The following ETV1 variants were observed in gnomAD, a reference collection of about 807,000 sequenced individuals.
ETV1 encodes the protein ETS translocation variant 1.
In ETV1, 27 loss-of-function variants were observed where a neutral mutation model predicts 62.3. The ratio of observed to expected loss-of-function variants is 0.43; its 90% CI spans 0.32 to 0.60. ETV1 has a LOEUF of 0.60. Ranked by LOEUF, ETV1 falls within the 20% of genes least tolerant of loss-of-function variation. The pLI is 0.06. For synonymous variants in ETV1, 222 were observed against 199.6 expected (o/e 1.11, Z -0.94); for missense variants, 605 against 605.8 (o/e 1.00, Z 0.01).
In ETV1 at chr7:13,900,779, G is replaced by A; in HGVS notation, c.1171C>T (p.Arg391Cys). 2 of 1,611,670 alleles carry A rather than the reference G, an allele frequency of 1.2e-6. No individual in the cohort carries two copies. The highest frequency in any genetic ancestry group is 1.7e-6 in the Non-Finnish European group (2 of 1,178,916). The change falls in exon 13 of 14, where the codon CGT becomes TGT. Residue 391 changes from arginine (R) to cysteine (C), a missense_variant. Transcript: ENST00000430479. ...TTCTCATAGTAATAGCGGAGTGAACGGCTAAGTTTATCATAGTTCATAGCT... is the reference window on the plus strand; with the variant it reads ...TTCTCATAGTAATAGCGGAGTGAACAGCTAAGTTTATCATAGTTCATAGCT... ...RPAMNYDKLS[R>C]SLRYYYEKGI... is the part of the protein sequence containing the mutation.
chr7:13,986,111 C>A, intron 5 of ETV1: 1 of 1,574,656 alleles, frequency 6.4e-7, no homozygotes, highest in African/African-American at 1.4e-5. Flanking sequence ...GCATTAGATA[C>A]ACACCTAACG....
chr7:13,970,616 G>C (rs1263397975), intron 6 of ETV1, among the ~76,000 whole-genome samples: 1 of 152,066 alleles, frequency 6.6e-6, no homozygotes, highest in Admixed American at 6.6e-5. Context: ...AAAAACGAAA[G>C]AAGATGAAGT....
chr7:13,971,551 G>C (rs1050317102), intron 6 of ETV1, among the ~76,000 whole-genome samples: 1 of 152,142 alleles, frequency 6.6e-6, no homozygotes, highest in African/African-American at 2.4e-5. Context: ...TTGCATTCCA[G>C]TGTGTTTTAC....
At chr7:13,951,888 GTAT>G (rs1788855157) in intron 6 of ETV1, among the ~76,000 whole-genome samples, 1 of 152,056 alleles carries the variant, frequency 6.6e-6, no homozygotes, top group Non-Finnish European at 1.5e-5. Context: ...GTTACTACTA[GTAT>G]TAGTCCAACC....
At position 13,988,073 on chromosome 7, in the gene ETV1, A is replaced by C. The variant is rs762739704; in HGVS notation, c.133+13T>G. 1 of 1,576,190 alleles carries C rather than the reference A, an allele frequency of 6.3e-7. No homozygotes were observed. On this transcript the variant is annotated intron_variant, in intron 4 of 13. Transcript: ENST00000430479. ...GTAAAAAAATGGGGATTCAGCCCAAAATCAAACCTCACCTTCTGAATCATG... is the reference window on the plus strand; with the variant it reads ...GTAAAAAAATGGGGATTCAGCCCAACATCAAACCTCACCTTCTGAATCATG...
At chr7:13,916,686 TG>T (rs1784213124) in intron 9 of ETV1, among the ~76,000 whole-genome samples, 1 of 152,108 alleles carries the variant, frequency 6.6e-6, no homozygotes, top group African/African-American at 2.4e-5. Flanking sequence ...CTTGGCACTT[TG>T]GGAGGCCGAG....
intron 6 of ETV1, among the ~76,000 whole-genome samples, chr7:13,973,197 A>G: frequency 6.6e-6 from 1 of 152,126 alleles, no homozygotes; most frequent in East Asian, 1.9e-4. Context: ...TTTGCTCTTC[A>G]CTCTCTTAAC....
At chr7:13,991,400 C>A (rs556313149), upstream of ETV1, 2 of 152,240 alleles carry the variant, frequency 1.3e-5, no homozygotes, top group South Asian at 2.1e-4. Context: ...TAGGTCCCGG[C>A]GAGGTTCTTC....
intron 6 of ETV1, among the ~76,000 whole-genome samples, chr7:13,970,283 C>A (rs1305999592): frequency 1.8e-3 from 54 of 29,584 alleles, no homozygotes; most frequent in African/African-American, 4.4e-3. Flanking sequence ...CACACACACA[C>A]ACACACACAC....
Position 13,895,496 on chromosome 7 carries a change from C to A in ETV1, c.*370G>T, listed in dbSNP as rs1041710714. ...CGTGAAATTAACTGTACCATAGATA[C>A]CCCGATAAAATAAACATTATCTTAT... On this transcript the variant is annotated 3_prime_UTR_variant, in exon 14 of 14. Transcript: ENST00000430479. The A allele has an allele frequency of 3.8e-5, 10 of 265,660 alleles. No homozygotes were observed. The highest frequency in any genetic ancestry group is 6.6e-5 in the Non-Finnish European group (9 of 136,858). The allele number at this position is 265,660 out of a possible 1,614,324, so 16.5% of individuals were successfully genotyped here. A position where few individuals can be genotyped will look rare whatever the true frequency, so the allele number is the denominator to read the frequency against.
intron 8 of ETV1, among the ~76,000 whole-genome samples, chr7:13,932,044 C>CACACACACA (rs1562638299): frequency 3.4e-5 from 5 of 147,954 alleles, no homozygotes; most frequent in African/African-American, 1.3e-4. Flanking sequence ...TTTTACACAC[C>CACACACACA]CACACACACA....
At chr7:13,937,410 T>C (rs1786929333) in intron 7 of ETV1, among the ~76,000 whole-genome samples, 1 of 152,246 alleles carries the variant, frequency 6.6e-6, no homozygotes, top group East Asian at 1.9e-4. Flanking sequence ...TACTCAATAA[T>C]ATTTTCTGTA....
chr7:13,902,241 T>C (rs1583564683), intron 12 of ETV1, among the ~76,000 whole-genome samples: 1 of 152,182 alleles, frequency 6.6e-6, no homozygotes, highest in East Asian at 1.9e-4. Context: ...CTGTCTCTCT[T>C]TGCTTTATTA....
chr7:13,960,500 GAAGTT>G (rs764705840), intron 6 of ETV1, among the ~76,000 whole-genome samples: 14 of 152,034 alleles, frequency 9.2e-5, no homozygotes, highest in Non-Finnish European at 2.1e-4. Flanking sequence ...ACAGCTTAAA[GAAGTT>G]AATTAGTTCA....
At position 13,989,083 on chromosome 7, in the gene ETV1, A is replaced by T. The variant is rs5882426; in HGVS notation, c.-31T>A. The stretch of plus-strand genomic sequence containing the variant: ...TGCTCTTCGCAAATCTCAGCTCAGT[A>T]TTTTATATTTTGAGCATTTAGCTGG... On this transcript the variant is annotated 5_prime_UTR_variant, in exon 3 of 14. Coordinates refer to ENST00000430479, the MANE Select transcript of ETV1 (RefSeq NM_004956.5). The T allele has an allele frequency of 4.7e-6, 2 of 421,384 alleles. No homozygotes were observed. Among genetic ancestry groups the T allele is most frequent in the Non-Finnish European group, 6.5e-6 (2 of 306,868 alleles). The allele number at this position is 421,384 out of a possible 1,614,324, so 26.1% of individuals were successfully genotyped here.
At chr7:13,980,030 C>T (rs1781832535) in intron 5 of ETV1, among the ~76,000 whole-genome samples, 1 of 152,124 alleles carries the variant, frequency 6.6e-6, no homozygotes, top group South Asian at 2.1e-4. Flanking sequence ...CGATAACAAT[C>T]TGTAAAGAGT....
chr7:13,990,195 G>A (rs1017349310), upstream of ETV1, among the ~76,000 whole-genome samples: 1 of 151,956 alleles, frequency 6.6e-6, no homozygotes, highest in East Asian at 1.9e-4. Flanking sequence ...TTATTTTCCC[G>A]TTTTTCAAAA....
intron 6 of ETV1, among the ~76,000 whole-genome samples, chr7:13,976,940 G>C (rs1042786176): frequency 6.6e-5 from 10 of 152,120 alleles, no homozygotes; most frequent in African/African-American, 2.4e-4. Flanking sequence ...AATAAAAGCA[G>C]GTGACAATTC....
intron 12 of ETV1, among the ~76,000 whole-genome samples, chr7:13,902,608 C>G (rs945255987): frequency 6.6e-6 from 1 of 152,068 alleles, no homozygotes; most frequent in African/African-American, 2.4e-5. Flanking sequence ...ATCAGTGAAC[C>G]TTTAATAGGC....
Sources: gnomAD v4.1 joint callset for allele counts (sites outside exome capture counted in the v4.1 genomes callset) on GRCh38, gnomAD v4.1.1 for gene constraint, MANE v1.5 for transcripts, NCBI Gene and HGNC (gene_info 2026-07-23, HGNC 2026-07-21) for gene names.